The following SAXO1 variants were observed in gnomAD, a reference collection of about 807,000 sequenced individuals.
SAXO1 encodes the protein stabilizer of axonemal microtubules 1.
SAXO1 carries 21 observed loss-of-function variants against 17.5 expected under a neutral mutation model. The ratio of observed to expected loss-of-function variants is 1.20; its 90% CI spans 0.85 to 1.72. The LOEUF (loss-of-function observed/expected upper bound fraction) is 1.72, where lower values mean the gene tolerates loss of function less well. SAXO1 is among the 40% of genes most tolerant of loss of function. The probability of loss-of-function intolerance (pLI) is 0.00; values close to 1 mark genes in which losing one functional copy is unlikely to be tolerated. For synonymous variants in SAXO1, 274 were observed against 216.5 expected, an observed-to-expected ratio of 1.27 and a Z score of -2.33; for missense variants, 843 against 596.0, an observed-to-expected ratio of 1.41 and a Z score of -4.32.
chr9:18,998,104 G>T (rs1834087500), intron 1 of SAXO1, among the ~76,000 whole-genome samples: 3 of 152,148 alleles, frequency 2.0e-5, no homozygotes, highest in African/African-American at 7.2e-5. Context: ...AAACTGGATG[G>T]AGAATGACTT....
chr9:19,049,140 G>C lies in SAXO1; in HGVS notation c.-158+69C>G, dbSNP rs1836291831. On this transcript the variant is annotated intron_variant, in intron 1 of 3. Transcript: ENST00000542071. The surrounding 1 kb of genome is among the most constrained non-coding windows in gnomAD (Gnocchi z 5.4). Reference sequence around the variant, plus strand: ...CCTCGCTCCTAAAGCCAGTTGCGGTGGTGGTGGCGGTTGGGGCTTTTTTTG... The same window carrying C: ...CCTCGCTCCTAAAGCCAGTTGCGGTCGTGGTGGCGGTTGGGGCTTTTTTTG... The C allele has an allele frequency of 6.5e-6, 1 of 152,708 alleles. No homozygotes were observed. Among genetic ancestry groups the C allele is most frequent in the African/African-American group, 2.4e-5 (1 of 41,466 alleles). 9.5% of individuals were successfully genotyped at this position (152,708 alleles called of 1,614,324 possible). A position where few individuals can be genotyped will look rare whatever the true frequency, so the allele number is the denominator to read the frequency against.
chr9:18,964,261 G>C (rs958604169), intron 1 of SAXO1, among the ~76,000 whole-genome samples: 3 of 152,136 alleles, frequency 2.0e-5, no homozygotes, highest in Non-Finnish European at 4.4e-5. Flanking sequence ...GCCAGATTTT[G>C]GTATCGGGAT....
intron 1 of SAXO1, chr9:19,028,209 AC>A (rs1319592223): frequency 1.9e-6 from 2 of 1,078,156 alleles, no homozygotes; most frequent in East Asian, 2.6e-5. Context: ...ATAAAACAAA[AC>A]AAAAAAAATA....
rs374510464 is a variant in SAXO1, at chr9:18,928,990, C to T, written c.487G>A (p.Ala163Thr). Residue 163 changes from alanine (A) to threonine (T), a missense_variant, in exon 4 of 4, where the codon GCA becomes ACA. Coordinates refer to ENST00000380534, the MANE Select transcript of SAXO1 (RefSeq NM_153707.4). ...GTTCTGTTATCAAACCTGACTGATG[C>T]CGGCTGGTATTTGTGTTCCAGACGA... is the stretch of plus-strand genomic sequence containing the variant. ...PLRLEHKYQP[A>T]SVRFDNRTTH... The T allele has an allele frequency of 1.6e-5, 26 of 1,613,912 alleles. No homozygotes were observed. The highest frequency in any genetic ancestry group is 2.2e-5 in the Non-Finnish European group (26 of 1,180,034).
chr9:18,970,699 T>C (rs1024503341), intron 1 of SAXO1, among the ~76,000 whole-genome samples: 2 of 152,142 alleles, frequency 1.3e-5, no homozygotes, highest in African/African-American at 2.4e-5. Context: ...CCTGGAACAG[T>C]TGCATTTCAT....
chr9:18,997,885 G>A (rs1251465271), intron 1 of SAXO1, among the ~76,000 whole-genome samples: 1 of 152,188 alleles, frequency 6.6e-6, no homozygotes, highest in African/African-American at 2.4e-5. Flanking sequence ...GGGCCTGTCT[G>A]TTAGAAGGAA....
intron 1 of SAXO1, among the ~76,000 whole-genome samples, chr9:18,989,160 G>A (rs1833705868): frequency 6.6e-6 from 1 of 152,016 alleles, no homozygotes; most frequent in Non-Finnish European, 1.5e-5. Context: ...TCCTTTTAAT[G>A]GCATCATCTG....
At chr9:18,938,873 G>A (rs547452955) in intron 3 of SAXO1, among the ~76,000 whole-genome samples, 19 of 109,562 alleles carry the variant, frequency 1.7e-4, no homozygotes, top group South Asian at 1.5e-3. Context: ...TGTGTTGAGC[G>A]GTAAGTAGTC....
chr9:18,940,852 A>G (rs1171282862), intron 3 of SAXO1, among the ~76,000 whole-genome samples: 1 of 152,222 alleles, frequency 6.6e-6, no homozygotes, highest in Admixed American at 6.5e-5. Context: ...CTCATAGGTA[A>G]TATCAATAGA....
At chr9:18,937,415 G>A (rs924899717) in intron 3 of SAXO1, among the ~76,000 whole-genome samples, 5 of 152,300 alleles carry the variant, frequency 3.3e-5, no homozygotes, top group Admixed American at 6.5e-5. Flanking sequence ...CCCTGTGTTC[G>A]ATGCTGGGAA....
rs552472657 is a variant in SAXO1, at chr9:19,011,338, C to G, written c.38+21533G>C. 9.4e-4 allele frequency among the ~76,000 whole-genome samples: 143 copies of G among 152,342 alleles called. 1 individual carries two copies. Among genetic ancestry groups the G allele is most frequent in the African/African-American group, 3.3e-3 (136 of 41,574 alleles). On this transcript the variant is annotated intron_variant, in intron 1 of 3. Transcript: ENST00000380534. ...GGAGGCAAGAATGGGCACAACCCCA[C>G]AGTGTCACTAAACACTCATGCCCTG... is the stretch of plus-strand genomic sequence containing the variant.
chr9:18,928,069 A>G lies in SAXO1; in HGVS notation c.1408T>C (p.Leu470=). ...DDSENPNQRE[L]EVLA is the part of the protein sequence containing the mutation. ...TTTCAAAATCAGGCTAACACTTCCAACTCCCTCTGGTTGGGGTTTTCTGAA... is the reference window on the plus strand; with the variant it reads ...TTTCAAAATCAGGCTAACACTTCCAGCTCCCTCTGGTTGGGGTTTTCTGAA... The change falls in exon 4 of 4, where the codon TTG becomes CTG. Residue 470 remains leucine, a synonymous_variant. Coordinates refer to ENST00000380534, the MANE Select transcript of SAXO1 (RefSeq NM_153707.4). The G allele has an allele frequency of 6.2e-7, 1 of 1,601,846 alleles. No homozygotes were observed. The highest frequency in any genetic ancestry group is 8.5e-7 in the Non-Finnish European group (1 of 1,171,248).
upstream of SAXO1, among the ~76,000 whole-genome samples, chr9:19,035,172 G>A (rs1835904064): frequency 6.6e-6 from 1 of 152,138 alleles, no homozygotes. Flanking sequence ...TTGGTTCTGT[G>A]TCCCCACCCA....
intron 2 of SAXO1, among the ~76,000 whole-genome samples, chr9:18,946,169 G>C (rs564004808): frequency 6.6e-6 from 1 of 151,338 alleles, no homozygotes; most frequent in African/African-American, 2.4e-5. Flanking sequence ...CTAACTACTC[G>C]GGAGGCTGAG....
Position 18,950,816 on chromosome 9 carries a change from T to C in SAXO1, c.160A>G (p.Lys54Glu), listed in dbSNP as rs75030601. 1.6e-4 allele frequency: 257 copies of C among 1,613,854 alleles called. No homozygotes were observed. The African/African-American group carries it at 3.3e-3, about 21-fold the overall frequency. The change falls in exon 2 of 4, where the codon AAG (lysine) becomes GAG (glutamate). Residue 54 changes from lysine (K) to glutamate (E), a missense_variant. Transcript: ENST00000380534. ...YHSYLPRESF[K>E]PRREYQKGPI... is the part of the protein sequence containing the mutation. The stretch of plus-strand genomic sequence containing the variant: ...CCTTTCTGGTACTCCCGCCTTGGCT[T>C]GAAGGACTCTCTGGGCAGGTAGGAG...
chr9:18,934,322 CT>C (rs770112593), intron 3 of SAXO1, among the ~76,000 whole-genome samples: 71 of 152,234 alleles, frequency 4.7e-4, no homozygotes, highest in Non-Finnish European at 9.0e-4. Context: ...TGTTAGTACA[CT>C]TTATGGTATT....
intron 1 of SAXO1, chr9:19,026,918 G>C: frequency 1.3e-6 from 1 of 784,034 alleles, no homozygotes; most frequent in Non-Finnish European, 2.3e-6. Context: ...ATGAGGCCAA[G>C]CAAGATGGAA....
At chr9:19,007,609 T>C (rs114685365) in intron 1 of SAXO1, among the ~76,000 whole-genome samples, 353 of 152,310 alleles carry the variant, frequency 2.3e-3, no homozygotes, top group African/African-American at 8.0e-3. Flanking sequence ...AAACATTACT[T>C]TCTTTTCTTA....
chr9:18,992,199 T>A (rs775825741), intron 1 of SAXO1, among the ~76,000 whole-genome samples: 2 of 152,184 alleles, frequency 1.3e-5, no homozygotes, highest in African/African-American at 4.8e-5. Context: ...AACTGAGTGG[T>A]TGAACCAGAA....
Sources: gnomAD v4.1 joint callset for allele counts (sites outside exome capture counted in the v4.1 genomes callset) on GRCh38, gnomAD v4.1.1 for gene constraint, Gnocchi (gnomAD v3.1) non-coding constraint, MANE v1.5 for transcripts, NCBI Gene and HGNC (gene_info 2026-07-23, HGNC 2026-07-21) for gene names.